The following LAMA2 variants were observed in gnomAD, a reference collection of about 807,000 sequenced individuals.
LAMA2 encodes the protein laminin subunit alpha-2.
In LAMA2, 269 loss-of-function variants were observed where a neutral mutation model predicts 364.8. The ratio of observed to expected loss-of-function variants is 0.74; its 90% CI spans 0.67 to 0.82. The LOEUF (loss-of-function observed/expected upper bound fraction) is 0.82, where lower values mean the gene tolerates loss of function less well. Ranked by LOEUF, LAMA2 falls within the 40% of genes least tolerant of loss-of-function variation. LAMA2 has a pLI of 0.00. For missense variants in LAMA2, 3,807 were observed against 3,873.2 expected (o/e 0.98, Z 0.45); for synonymous variants, 1,379 against 1,370.6 (o/e 1.01, Z -0.14).
intron 1 of LAMA2, among the ~76,000 whole-genome samples, chr6:128,954,505 A>G (rs553731480): frequency 4.0e-4 from 61 of 152,142 alleles, no homozygotes; most frequent in African/African-American, 1.4e-3. Context: ...GACAATTGGT[A>G]ACAGTCATCA....
chr6:129,112,971 A>T (rs1415356662), intron 4 of LAMA2, among the ~76,000 whole-genome samples: 1 of 152,070 alleles, frequency 6.6e-6, no homozygotes, highest in East Asian at 1.9e-4. Context: ...AAAAACAAAA[A>T]CAAAACACCT....
At chr6:129,282,047 C>A (rs1432633089) in intron 18 of LAMA2, among the ~76,000 whole-genome samples, 5 of 152,056 alleles carry the variant, frequency 3.3e-5, no homozygotes, top group Non-Finnish European at 5.9e-5. Flanking sequence ...TAATCAAAAC[C>A]ATTCTGTAAG....
chr6:129,381,330 T>A (rs1036319275), intron 34 of LAMA2, among the ~76,000 whole-genome samples: 1 of 125,414 alleles, frequency 8.0e-6, no homozygotes, highest in Non-Finnish European at 1.9e-5. Context: ...ACTACGAACA[T>A]CTTTTTTTTT....
chr6:128,994,412 G>T (rs1035236313), intron 1 of LAMA2, among the ~76,000 whole-genome samples: 6 of 152,208 alleles, frequency 3.9e-5, no homozygotes, highest in Admixed American at 2.6e-4. Flanking sequence ...TAATGGGATA[G>T]AATCTGATAC....
intron 1 of LAMA2, among the ~76,000 whole-genome samples, chr6:128,884,840 G>T (rs991335235): frequency 5.3e-5 from 8 of 152,150 alleles, no homozygotes; most frequent in African/African-American, 1.9e-4. Context: ...GAAATGAGGG[G>T]CCAGGGGCAC....
In LAMA2 at chr6:129,342,353, A is replaced by G. The variant is rs1454521742; in HGVS notation, c.4322A>G (p.His1441Arg). The G allele has an allele frequency of 4.3e-6, 7 of 1,613,026 alleles. No homozygotes were observed. The highest frequency in any genetic ancestry group is 5.9e-6 in the Non-Finnish European group (7 of 1,179,286). The change falls in exon 30 of 65, where the codon CAT (histidine) becomes CGT (arginine). Residue 1441 changes from histidine (H) to arginine (R), a missense_variant. His to Arg is a conservative substitution (Grantham distance 29). Around this residue, in one of 3 missense-constraint regions of LAMA2, gnomAD observed 3,333 missense variants for 3,345.7 expected, o/e 1.00. Coordinates refer to ENST00000421865, the MANE Select transcript of LAMA2 (RefSeq NM_000426.4). ...PETSICQNCQ[H>R]HTAGDFCERC... ...CCTTTTCCTTTACAGAATTGTCAAC[A>G]TCACACTGCTGGTGACTTCTGTGAA...
intron 1 of LAMA2, chr6:128,929,991 C>A (rs1779357805): frequency 3.5e-6 from 2 of 566,158 alleles, no homozygotes; most frequent in Admixed American, 3.2e-5. Flanking sequence ...TTGCGCACGG[C>A]GGCGTTATCC....
intron 6 of LAMA2, among the ~76,000 whole-genome samples, chr6:129,148,190 C>A (rs961400207): frequency 7.2e-5 from 11 of 152,078 alleles, no homozygotes; most frequent in Admixed American, 5.9e-4. Flanking sequence ...GGAATGAGAT[C>A]ATGTCCTTTG....
chr6:129,144,695 A>G (rs1417990703), intron 5 of LAMA2, among the ~76,000 whole-genome samples: 1 of 152,050 alleles, frequency 6.6e-6, no homozygotes, highest in Non-Finnish European at 1.5e-5. Flanking sequence ...ATGCTTGATT[A>G]ATGAATCACA....
chr6:129,478,734 AT>A lies in LAMA2; in HGVS notation c.7494del (p.Asp2498GlufsTer49). The A allele has an allele frequency of 1.2e-6, 2 of 1,613,320 alleles. No individual in the cohort carries two copies. The highest frequency in any genetic ancestry group is 1.7e-6 in the Non-Finnish European group (2 of 1,179,332). ...AAGAAATATTCCGGCTGCCTCAAAG[AT>A]ATTGAAATTTCAAGAACTCCGTACA... ...NLKKYSGCLK[D>X]IEISRTPYNI... On this transcript the variant is annotated frameshift_variant, in exon 54 of 65. Coordinates refer to ENST00000421865, the MANE Select transcript of LAMA2 (RefSeq NM_000426.4). LOFTEE classifies it high-confidence loss of function.
intron 29 of LAMA2, among the ~76,000 whole-genome samples, chr6:129,339,167 G>A (rs532131002): frequency 3.0e-4 from 46 of 152,124 alleles, no homozygotes; most frequent in Non-Finnish European, 6.0e-4. Flanking sequence ...TTAGCTAAAA[G>A]GCTATTCTAA....
chr6:129,500,814 A>G (rs1459892724), intron 58 of LAMA2, among the ~76,000 whole-genome samples: 2 of 152,240 alleles, frequency 1.3e-5, no homozygotes, highest in Non-Finnish European at 2.9e-5. Context: ...CCGGGAGTGT[A>G]CAACTGCCAC....
At chr6:129,071,166 A>G (rs1773281025) in intron 3 of LAMA2, among the ~76,000 whole-genome samples, 1 of 152,204 alleles carries the variant, frequency 6.6e-6, no homozygotes, top group African/African-American at 2.4e-5. Flanking sequence ...TGGGCTTTTC[A>G]AGAAATTGAT....
chr6:129,173,066 A>T (rs1470059811), intron 9 of LAMA2, among the ~76,000 whole-genome samples: 1 of 152,120 alleles, frequency 6.6e-6, no homozygotes, highest in Non-Finnish European at 1.5e-5. Flanking sequence ...ACCTGCGCCC[A>T]CTGTCTGGCA....
intron 8 of LAMA2, among the ~76,000 whole-genome samples, chr6:129,156,779 G>A (rs1779141261): frequency 6.6e-6 from 1 of 151,970 alleles, no homozygotes; most frequent in Non-Finnish European, 1.5e-5. Context: ...AACTTCTTTT[G>A]GCCTTGGCAT....
intron 3 of LAMA2, among the ~76,000 whole-genome samples, chr6:129,073,905 T>C (rs1273292463): frequency 6.6e-6 from 1 of 152,192 alleles, no homozygotes; most frequent in Admixed American, 6.5e-5. Context: ...GATTAAATAA[T>C]GTATGTGTCT....
chr6:129,130,891 T>C (rs1777432164), intron 4 of LAMA2, among the ~76,000 whole-genome samples: 1 of 152,242 alleles, frequency 6.6e-6, no homozygotes, highest in Admixed American at 6.5e-5. Flanking sequence ...AACAGTTTTG[T>C]TGCCATCTCT....
intron 27 of LAMA2, among the ~76,000 whole-genome samples, chr6:129,319,000 T>C (rs1173693043): frequency 2.0e-5 from 3 of 152,230 alleles, no homozygotes; most frequent in Non-Finnish European, 4.4e-5. Context: ...GGTATTAATA[T>C]GTTATTTTCA....
chr6:129,512,567 G>A (rs1395474472), intron 63 of LAMA2, 74 bp downstream of exon 63: 2 of 1,525,222 alleles, frequency 1.3e-6, no homozygotes, highest in African/African-American at 1.4e-5. Context: ...CCATGTGTGG[G>A]AAACTCGAAT....
Sources: allele counts gnomAD v4.1 joint callset (sites outside exome capture counted in the v4.1 genomes callset), GRCh38; gene constraint gnomAD v4.1.1; regional missense constraint gnomAD v4.1.1; transcripts MANE v1.5; gene names NCBI Gene and HGNC (gene_info 2026-07-23, HGNC 2026-07-21).